FMNL2: variants seen among roughly 807,000 people sequenced by gnomAD.
FMNL2 encodes the protein formin like 2.
A neutral mutation model predicts 130.2 loss-of-function variants in FMNL2; 51 were observed. The ratio of observed to expected loss-of-function variants is 0.39; its 90% confidence interval spans 0.31 to 0.49. The LOEUF is 0.49. Among genes scored for constraint, FMNL2 ranks in the 20% least tolerant of loss-of-function variants. The pLI is 0.85. For missense variants in FMNL2, 977 were observed against 1,316.2 expected (o/e 0.74, Z 3.99); for synonymous variants, 465 against 467.1 (o/e 1.00, Z 0.06).
At chr2:152,475,660 C>CT (rs1281526138) in intron 1 of FMNL2, among the ~76,000 whole-genome samples, 1 of 151,778 alleles carries the variant, frequency 6.6e-6, no homozygotes, top group East Asian at 1.9e-4. Context: ...ACACTGGCTA[C>CT]TTTTTTTATT....
At chr2:152,588,031 A>G (rs187898709) in intron 9 of FMNL2, among the ~76,000 whole-genome samples, 44 of 152,338 alleles carry the variant, frequency 2.9e-4, no homozygotes, top group African/African-American at 9.9e-4. Flanking sequence ...GGGTGCCTGA[A>G]CAGAGTTTAG....
chr2:152,488,057 G>C (rs878873804), intron 1 of FMNL2, among the ~76,000 whole-genome samples: 1 of 152,180 alleles, frequency 6.6e-6, no homozygotes, highest in African/African-American at 2.4e-5. Context: ...TGGGATTACA[G>C]GTGTGAGCCA....
intron 3 of FMNL2, among the ~76,000 whole-genome samples, chr2:152,547,812 A>G (rs1323990867): frequency 6.6e-6 from 1 of 152,176 alleles, no homozygotes; most frequent in Non-Finnish European, 1.5e-5. Context: ...TCTTTCCTGT[A>G]AACAGTGTGA....
At chr2:152,560,564 C>A (rs1029063394) in intron 5 of FMNL2, among the ~76,000 whole-genome samples, 7 of 152,168 alleles carry the variant, frequency 4.6e-5, no homozygotes, top group Admixed American at 3.9e-4. Context: ...TCTTTTCCCC[C>A]TTCCATCATA....
chr2:152,354,684 G>A (rs1333722356), intron 1 of FMNL2, among the ~76,000 whole-genome samples: 2 of 152,134 alleles, frequency 1.3e-5, no homozygotes, highest in Non-Finnish European at 2.9e-5. Flanking sequence ...TTACTATCTG[G>A]TGAGGAAAAT....
chr2:152,461,799 T>C (rs1689264376), intron 1 of FMNL2, among the ~76,000 whole-genome samples: 1 of 152,178 alleles, frequency 6.6e-6, no homozygotes, highest in Non-Finnish European at 1.5e-5. Context: ...ACAGACTAGC[T>C]AGAGCTTCAC....
chr2:152,560,946 T>C lies in FMNL2; in HGVS notation c.507T>C (p.Ser169=). 19 of 1,600,884 alleles carry C rather than the reference T, an allele frequency of 1.2e-5. No individual in the cohort carries two copies. The highest frequency in any genetic ancestry group is 1.6e-5 in the Non-Finnish European group (19 of 1,175,282). The change falls in exon 6 of 26, where the codon AGT becomes AGC. Residue 169 remains serine (S), a synonymous_variant. Transcript: ENST00000288670. ...CGGTGGACAAATCAAAGCCCTGGAG[T>C]AGGTCCATCGAGGACCTGCACAGAG... The part of the protein sequence containing the change: ...ESSVDKSKPW[S]RSIEDLHRGS...
In FMNL2 at chr2:152,581,028, A is replaced by G. The variant is rs1329167589; in HGVS notation, c.855A>G (p.Ser285=). The G allele has an allele frequency of 6.2e-7, 1 of 1,613,912 alleles. No homozygotes were observed. Among genetic ancestry groups the G allele is most frequent in the Non-Finnish European group, 8.5e-7 (1 of 1,179,846 alleles). The part of the protein sequence containing the change: ...LVRGGHEIIL[S]AFDNFKEVCG... ...GAGGCGGGCATGAAATCATTTTATC[A>G]GCATTTGATAACTTTAAAGAGGTAG... is the stretch of plus-strand genomic sequence containing the variant. Residue 285 remains serine (S), a synonymous_variant, in exon 9 of 26, where the codon TCA becomes TCG. Coordinates refer to ENST00000288670, the MANE Select transcript of FMNL2 (RefSeq NM_052905.4).
chr2:152,482,893 G>A (rs1033816879), intron 1 of FMNL2, among the ~76,000 whole-genome samples: 2 of 152,058 alleles, frequency 1.3e-5, no homozygotes, highest in Non-Finnish European at 2.9e-5. Context: ...TAAGAAAAAG[G>A]ATCAACTTTT....
At chr2:152,568,223 T>TTTTTTTTTTTTTGTTTTGTTTTTG (rs1553478445) in intron 6 of FMNL2, among the ~76,000 whole-genome samples, 1 of 132,276 alleles carries the variant, frequency 7.6e-6, no homozygotes, top group Non-Finnish European at 1.6e-5. Context: ...GGTGGGTTTT[T>TTTTTTTTTTTTTGTTTTGTTTTTG]TTTTTTTTTT....
intron 4 of FMNL2, among the ~76,000 whole-genome samples, chr2:152,554,442 G>A (rs1358933082): frequency 2.0e-5 from 3 of 152,100 alleles, no homozygotes; most frequent in South Asian, 2.1e-4. Flanking sequence ...CTTTGATTGG[G>A]TCTTTTTATC....
In FMNL2 at chr2:152,389,800, T is replaced by C. The variant is rs1684998345; in HGVS notation, c.117+54080T>C. 5.7e-6 allele frequency: 8 copies of C among 1,407,442 alleles called. No homozygotes were observed. In the East Asian group the frequency reaches 1.1e-4, roughly 20 times the overall value. 87.2% of individuals were successfully genotyped at this position (1,407,442 alleles called of 1,614,324 possible). ...CAGCTTCCTTCGACGCAAAACAGACTTTTTCACTGCAGGAGAAGAGGGGAT... is the reference window on the plus strand; with the variant it reads ...CAGCTTCCTTCGACGCAAAACAGACCTTTTCACTGCAGGAGAAGAGGGGAT... On this transcript the variant is annotated intron_variant, in intron 1 of 25. Coordinates refer to ENST00000288670, the MANE Select transcript of FMNL2 (RefSeq NM_052905.4).
At chr2:152,427,559 TA>T (rs1325328597) in intron 1 of FMNL2, among the ~76,000 whole-genome samples, 1 of 152,044 alleles carries the variant, frequency 6.6e-6, no homozygotes, top group Non-Finnish European at 1.5e-5. Context: ...AATAAATAAA[TA>T]AAATGAAATC....
intron 1 of FMNL2, among the ~76,000 whole-genome samples, chr2:152,493,025 C>T (rs1189342330): frequency 6.6e-6 from 1 of 152,160 alleles, no homozygotes; most frequent in East Asian, 1.9e-4. Context: ...TAGACTCCTA[C>T]TTCCTAGCCT....
At chr2:152,376,908 G>A (rs1560312183) in intron 1 of FMNL2, among the ~76,000 whole-genome samples, 1 of 152,190 alleles carries the variant, frequency 6.6e-6, no homozygotes, top group Non-Finnish European at 1.5e-5. Context: ...GAGGGCATGT[G>A]ATCAAGCAAA....
intron 1 of FMNL2, among the ~76,000 whole-genome samples, chr2:152,460,877 A>G (rs1050063731): frequency 1.8e-4 from 27 of 152,146 alleles, no homozygotes; most frequent in African/African-American, 6.5e-4. Flanking sequence ...ATTCTACATT[A>G]TAGTGAATTG....
intron 9 of FMNL2, among the ~76,000 whole-genome samples, chr2:152,603,833 G>A (rs1698219415): frequency 6.6e-6 from 1 of 151,010 alleles, no homozygotes; most frequent in African/African-American, 2.4e-5. Flanking sequence ...GTGTTGCTCA[G>A]TTAGAAGTTG....
chr2:152,473,204 G>A (rs1689952520), intron 1 of FMNL2, among the ~76,000 whole-genome samples: 1 of 152,158 alleles, frequency 6.6e-6, no homozygotes, highest in Non-Finnish European at 1.5e-5. Flanking sequence ...ATTTGTATAT[G>A]TATGATACAT....
At chr2:152,640,276 G>A (rs113746861) in intron 24 of FMNL2, among the ~76,000 whole-genome samples, 13 of 152,298 alleles carry the variant, frequency 8.5e-5, no homozygotes, top group South Asian at 4.1e-4. Context: ...ATATCCAAGC[G>A]TATAGACATC....
Sources: allele counts gnomAD v4.1 joint callset (sites outside exome capture counted in the v4.1 genomes callset), GRCh38; gene constraint gnomAD v4.1.1; transcripts MANE v1.5; gene names NCBI Gene and HGNC (gene_info 2026-07-23, HGNC 2026-07-21).